MAF: variants seen among roughly 807,000 people sequenced by gnomAD.
MAF encodes transcription factor Maf.
A neutral mutation model predicts 22.0 loss-of-function variants in MAF; 10 were observed. That is an observed-to-expected ratio of 0.45 (90% CI 0.28 to 0.77). The LOEUF (loss-of-function observed/expected upper bound fraction) is 0.77, where lower values mean the gene tolerates loss of function less well. MAF is among the 30% of genes least tolerant of loss of function. The pLI is 0.12. For synonymous variants in MAF, 337 were observed against 255.8 expected, an observed-to-expected ratio of 1.32 and a Z score of -3.03; for missense variants, 544 against 548.4, an observed-to-expected ratio of 0.99 and a Z score of 0.08.
the MAF span, among the ~76,000 whole-genome samples, chr16:79,269,335 G>A: frequency 1.3e-5 from 2 of 152,108 alleles, no homozygotes; most frequent in Admixed American, 6.6e-5. Context: ...GCCCCTAATG[G>A]CTCATACATG....
the MAF span, among the ~76,000 whole-genome samples, chr16:79,498,699 T>G: frequency 4.6e-4 from 70 of 152,346 alleles, no homozygotes; most frequent in African/African-American, 1.6e-3. Flanking sequence ...GTGGAAGAGC[T>G]GGGATTCAAA....
chr16:79,249,418 CAAA>C, the MAF span, among the ~76,000 whole-genome samples: 10,891 of 102,452 alleles, frequency 0.11, 575 homozygotes, highest in Middle Eastern at 0.2. Context: ...AACTCCGTTT[CAAA>C]AAAAAAAAAA....
the MAF span, among the ~76,000 whole-genome samples, chr16:79,417,208 T>C: frequency 6.6e-6 from 1 of 152,210 alleles, no homozygotes; most frequent in African/African-American, 2.4e-5. Context: ...CCTAATTCTT[T>C]AATGGACTCT....
chr16:79,596,714 A>G, intron 1 of MAF: 1 of 1,042,208 alleles, frequency 9.6e-7, no homozygotes, highest in South Asian at 4.6e-5. Flanking sequence ...AGTCCCTGAA[A>G]ATAACATTTA....
Position 79,596,959 on chromosome 16 carries a change from G to T in MAF, c.1118+1826C>A, listed in dbSNP as rs915560181. 2.2e-5 allele frequency: 23 copies of T among 1,037,616 alleles called. No individual in the cohort carries two copies. In the Admixed American group the frequency reaches 1.1e-3, roughly 50 times the overall value. The allele number at this position is 1,037,616 out of a possible 1,614,324, so 64.3% of individuals were successfully genotyped here. On this transcript the variant is annotated intron_variant, in intron 1 of 1. Transcript: ENST00000326043. ...GTCCCAAATACTTTAATTTTGAAAA[G>T]AAAAAAAAACATACATTTTTGAATG...
At chr16:79,492,980 G>T in the MAF span, among the ~76,000 whole-genome samples, 1 of 151,580 alleles carries the variant, frequency 6.6e-6, no homozygotes. Context: ...TTTTTTGGAG[G>T]TAGAGACTCA....
At chr16:79,295,955 G>A in the MAF span, among the ~76,000 whole-genome samples, 1 of 152,226 alleles carries the variant, frequency 6.6e-6, no homozygotes, top group Non-Finnish European at 1.5e-5. Context: ...CCTAAAGTCA[G>A]TACCTCACCT....
the MAF span, among the ~76,000 whole-genome samples, chr16:79,329,938 A>G: frequency 2.6e-5 from 4 of 151,534 alleles, no homozygotes; most frequent in African/African-American, 9.8e-5. Flanking sequence ...ACACCATACA[A>G]TAAACATTAA....
chr16:79,527,084 C>T, the MAF span, among the ~76,000 whole-genome samples: 1 of 152,180 alleles, frequency 6.6e-6, no homozygotes, highest in South Asian at 2.1e-4. Flanking sequence ...GGGAACCTGG[C>T]TTTACAGCTC....
At chr16:79,521,700 T>C in the MAF span, among the ~76,000 whole-genome samples, 1 of 152,202 alleles carries the variant, frequency 6.6e-6, no homozygotes, top group Non-Finnish European at 1.5e-5. Context: ...TGCTTTTGTC[T>C]CCGAGACTCA....
chr16:79,528,389 C>G, the MAF span, among the ~76,000 whole-genome samples: 2 of 152,170 alleles, frequency 1.3e-5, no homozygotes, highest in Non-Finnish European at 2.9e-5. Context: ...ACACTATCAA[C>G]AGACACTGTC....
At chr16:79,447,444 G>A in the MAF span, among the ~76,000 whole-genome samples, 10 of 152,070 alleles carry the variant, frequency 6.6e-5, no homozygotes, top group African/African-American at 2.4e-4. Context: ...TTGTTTTCAT[G>A]CCTGCTAACA....
the MAF span, among the ~76,000 whole-genome samples, chr16:79,549,537 C>T: frequency 5.1e-4 from 77 of 152,334 alleles, no homozygotes; most frequent in East Asian, 0.013. Flanking sequence ...TGAACTGAAT[C>T]GATTCTCTGC....
At chr16:79,586,147 T>C (rs1912827958) in intron 1 of MAF, among the ~76,000 whole-genome samples, 1 of 152,160 alleles carries the variant, frequency 6.6e-6, no homozygotes, top group African/African-American at 2.4e-5. Context: ...GGGAATGGCC[T>C]GCGTTACAAG....
the MAF span, among the ~76,000 whole-genome samples, chr16:79,228,019 T>C: frequency 6.6e-6 from 1 of 152,118 alleles, no homozygotes; most frequent in African/African-American, 2.4e-5. Flanking sequence ...TCCTCTCACC[T>C]GAGCCTCCCA....
chr16:79,211,676 C>T, the MAF span: 18 of 1,614,222 alleles, frequency 1.1e-5, no homozygotes, highest in African/African-American at 1.7e-4. Context: ...GAGGGATGTA[C>T]TTCAACAACT....
chr16:79,528,653 A>G, the MAF span, among the ~76,000 whole-genome samples: 2 of 148,086 alleles, frequency 1.4e-5, no homozygotes, highest in Non-Finnish European at 3.0e-5. Context: ...ATCAATTCGA[A>G]GGGAGAAAAA....
chr16:79,478,555 T>C, the MAF span, among the ~76,000 whole-genome samples: 1 of 152,194 alleles, frequency 6.6e-6, no homozygotes, highest in Admixed American at 6.5e-5. Context: ...ATTTTGACTC[T>C]TTATTTATAG....
the MAF span, among the ~76,000 whole-genome samples, chr16:79,216,185 A>G: frequency 7.1e-6 from 1 of 140,060 alleles, no homozygotes; most frequent in Non-Finnish European, 1.5e-5. Flanking sequence ...GTATATGTAT[A>G]TATGTCGTGC....
Sources: gnomAD v4.1 joint callset for allele counts (sites outside exome capture counted in the v4.1 genomes callset) on GRCh38, gnomAD v4.1.1 for gene constraint, MANE v1.5 for transcripts, NCBI Gene and HGNC (gene_info 2026-07-23, HGNC 2026-07-21) for gene names.